The following GRIN2A variants were observed in gnomAD, a reference collection of about 807,000 sequenced individuals.
GRIN2A encodes glutamate ionotropic receptor NMDA type subunit 2A.
In GRIN2A, 22 loss-of-function variants were observed where a neutral mutation model predicts 113.4. The ratio of observed to expected loss-of-function variants is 0.19; its 90% CI spans 0.14 to 0.28. GRIN2A has a LOEUF of 0.28. Ranked by LOEUF, GRIN2A falls within the 10% of genes least tolerant of loss-of-function variation. The pLI is 1.00. For missense variants in GRIN2A, 1,502 were observed against 1,887.0 expected (o/e 0.80, Z 3.78); for synonymous variants, 827 against 738.4 (o/e 1.12, Z -1.94).
intron 11 of GRIN2A, among the ~76,000 whole-genome samples, chr16:9,787,880 G>A (rs1902326326): frequency 1.3e-5 from 2 of 152,086 alleles, no homozygotes; most frequent in Non-Finnish European, 2.9e-5. Context: ...GTTGTAATGG[G>A]TGTTGCTGAG....
chr16:9,984,999 C>T (rs1490635580), intron 2 of GRIN2A, among the ~76,000 whole-genome samples: 1 of 152,154 alleles, frequency 6.6e-6, no homozygotes, highest in African/African-American at 2.4e-5. Context: ...CCTTCTCTCA[C>T]AGACACACTC....
intron 5 of GRIN2A, among the ~76,000 whole-genome samples, chr16:9,843,470 C>T (rs1365352279): frequency 6.6e-6 from 1 of 152,176 alleles, no homozygotes; most frequent in African/African-American, 2.4e-5. Context: ...GCTGGGATTA[C>T]AGGTGTGCGA....
intron 2 of GRIN2A, among the ~76,000 whole-genome samples, chr16:10,164,077 G>T (rs1481287990): frequency 6.6e-6 from 1 of 152,236 alleles, no homozygotes. Context: ...TAACTAGCTT[G>T]TTTACTCACG....
chr16:10,099,610 C>T (rs1567297970), intron 2 of GRIN2A, among the ~76,000 whole-genome samples: 1 of 152,168 alleles, frequency 6.6e-6, no homozygotes, highest in African/African-American at 2.4e-5. Flanking sequence ...GAGATCTGCA[C>T]CTGCTCTGTT....
intron 2 of GRIN2A, among the ~76,000 whole-genome samples, chr16:9,991,391 A>C (rs2046109798): frequency 6.6e-6 from 1 of 152,232 alleles, no homozygotes; most frequent in South Asian, 2.1e-4. Context: ...TATGATTTCA[A>C]GTTGCAATCA....
chr16:10,143,568 T>C (rs1336138842), intron 2 of GRIN2A, among the ~76,000 whole-genome samples: 1 of 152,238 alleles, frequency 6.6e-6, no homozygotes, highest in Admixed American at 6.5e-5. Flanking sequence ...GGAGTTCTTT[T>C]AATATACTTA....
At chr16:9,954,399 C>A (rs1314271731) in intron 2 of GRIN2A, among the ~76,000 whole-genome samples, 3 of 152,072 alleles carry the variant, frequency 2.0e-5, no homozygotes, top group Non-Finnish European at 2.9e-5. Flanking sequence ...AAGACGGCTG[C>A]TCTTTCCAGC....
chr16:9,919,680 C>T (rs1006996569), intron 3 of GRIN2A, among the ~76,000 whole-genome samples: 4 of 152,180 alleles, frequency 2.6e-5, no homozygotes, highest in African/African-American at 7.2e-5. Context: ...CTTACTTCCC[C>T]GCTAAAACTC....
intron 2 of GRIN2A, among the ~76,000 whole-genome samples, chr16:10,050,734 C>A (rs940271647): frequency 2.0e-5 from 3 of 152,200 alleles, no homozygotes; most frequent in African/African-American, 7.2e-5. Flanking sequence ...CAGCCCAACC[C>A]CGGTCTGTGG....
chr16:9,908,048 T>A (rs111930500), intron 3 of GRIN2A, among the ~76,000 whole-genome samples: 624 of 152,294 alleles, frequency 4.1e-3, no homozygotes, highest in African/African-American at 0.013. Context: ...TGTCCCGGTG[T>A]GCTGGATGGC....
intron 2 of GRIN2A, among the ~76,000 whole-genome samples, chr16:10,044,154 G>A (rs1306733608): frequency 6.6e-6 from 1 of 151,232 alleles, no homozygotes; most frequent in Non-Finnish European, 1.5e-5. Context: ...CCCAGGTCCC[G>A]GTTCAAGCAA....
At chr16:10,078,121 A>T (rs2047911434) in intron 2 of GRIN2A, among the ~76,000 whole-genome samples, 1 of 152,192 alleles carries the variant, frequency 6.6e-6, no homozygotes, top group African/African-American at 2.4e-5. Context: ...TTGCATGTCA[A>T]TGCCTCAATA....
intron 10 of GRIN2A, among the ~76,000 whole-genome samples, chr16:9,818,505 A>C (rs116208915): frequency 6.6e-6 from 1 of 152,248 alleles, no homozygotes; most frequent in African/African-American, 2.4e-5. Context: ...AAAAAAAAGC[A>C]AGCTCAAAAG....
At chr16:9,989,195 T>C (rs984486781) in intron 2 of GRIN2A, among the ~76,000 whole-genome samples, 5 of 151,992 alleles carry the variant, frequency 3.3e-5, no homozygotes, top group Middle Eastern at 3.2e-3. Context: ...AAAAGACACA[T>C]AGACCAATGA....
At chr16:9,873,301 T>C (rs977169156) in intron 4 of GRIN2A, among the ~76,000 whole-genome samples, 1 of 152,144 alleles carries the variant, frequency 6.6e-6, no homozygotes, top group Admixed American at 6.6e-5. Flanking sequence ...CACTATACAA[T>C]CTATGCATGT....
intron 2 of GRIN2A, among the ~76,000 whole-genome samples, chr16:10,139,323 T>G (rs949485188): frequency 6.6e-6 from 1 of 151,854 alleles, no homozygotes; most frequent in African/African-American, 2.4e-5. Context: ...TTATACCCTG[T>G]GGGGAGGCAG....
chr16:9,984,435 C>T (rs2045945449), intron 2 of GRIN2A, among the ~76,000 whole-genome samples: 1 of 152,062 alleles, frequency 6.6e-6, no homozygotes, highest in African/African-American at 2.4e-5. Flanking sequence ...TTTTGCAGAC[C>T]AATGCCCTGG....
In GRIN2A at chr16:9,756,309, A is replaced by C. The variant is rs1016056343; in HGVS notation, c.*6840T>G. 1 of 229,718 alleles carries C rather than the reference A, an allele frequency of 4.4e-6. No homozygotes were observed. Among genetic ancestry groups the C allele is most frequent in the Non-Finnish European group, 8.6e-6 (1 of 115,850 alleles). The allele number at this position is 229,718 out of a possible 1,614,324, so 14.2% of individuals were successfully genotyped here. Reference sequence around the variant, plus strand: ...ATTTTTTTAAATGCTAAGTGCAAGCATATGAAAGGGAGACACAAACAGTGT... The same window carrying C: ...ATTTTTTTAAATGCTAAGTGCAAGCCTATGAAAGGGAGACACAAACAGTGT... On this transcript the variant is annotated 3_prime_UTR_variant, in exon 13 of 13. Coordinates refer to ENST00000330684, the MANE Select transcript of GRIN2A (RefSeq NM_001134407.3).
rs563479874 is a variant in GRIN2A at position 9,929,305 on chromosome 16, T to C, written c.1007+8654A>G. 3.9e-5 allele frequency among the ~76,000 whole-genome samples: 6 copies of C among 152,326 alleles called. No homozygotes were observed. In the South Asian group the frequency reaches 6.2e-4, roughly 16 times the overall value. Reference sequence around the variant, plus strand: ...TTGGATATCTCAAAAGTATGTCTAATTTAACATGTCTAAAATTGGATGTCC... The same window carrying C: ...TTGGATATCTCAAAAGTATGTCTAACTTAACATGTCTAAAATTGGATGTCC... On this transcript the variant is annotated intron_variant, in intron 3 of 12. Transcript: ENST00000330684.
Sources: allele counts gnomAD v4.1 joint callset (sites outside exome capture counted in the v4.1 genomes callset), GRCh38; gene constraint gnomAD v4.1.1; transcripts MANE v1.5; gene names NCBI Gene and HGNC (gene_info 2026-07-23, HGNC 2026-07-21).